The following C7orf33 variants were observed in gnomAD, a reference collection of about 807,000 sequenced individuals.
C7orf33 encodes uncharacterized protein C7orf33.
Under a neutral mutation model 13.4 loss-of-function variants are expected in C7orf33, and 15 were observed. The ratio of observed to expected loss-of-function variants is 1.12; its 90% confidence interval spans 0.75 to 1.72. The LOEUF (loss-of-function observed/expected upper bound fraction) is 1.72, where lower values mean the gene tolerates loss of function less well. C7orf33 is among the 40% of genes most tolerant of loss of function. C7orf33 has a pLI of 0.00. For missense variants in C7orf33, 187 were observed against 220.3 expected (o/e 0.85, Z 0.96); for synonymous variants, 73 against 83.2 (o/e 0.88, Z 0.67).
chr7:148,601,023 C>T (rs1354646988), intron 1 of C7orf33, among the ~76,000 whole-genome samples: 6 of 151,970 alleles, frequency 3.9e-5, no homozygotes, highest in Non-Finnish European at 5.9e-5. Context: ...AGGATGGTCT[C>T]GATCTCCTGA....
intron 1 of C7orf33, among the ~76,000 whole-genome samples, chr7:148,606,798 G>T (rs2116898948): frequency 6.6e-6 from 1 of 152,222 alleles, no homozygotes; most frequent in South Asian, 2.1e-4. Context: ...CGTTGGCCAG[G>T]CTGGTCTCGA....
intron 1 of C7orf33, among the ~76,000 whole-genome samples, chr7:148,593,852 T>C (rs1796297565): frequency 6.6e-6 from 1 of 152,106 alleles, no homozygotes; most frequent in South Asian, 2.1e-4. Context: ...CTAAGTGTCA[T>C]GCTGGAATGT....
chr7:148,597,817 G>A (rs925276695), intron 1 of C7orf33, among the ~76,000 whole-genome samples: 3 of 152,018 alleles, frequency 2.0e-5, no homozygotes, highest in Non-Finnish European at 2.9e-5. Context: ...GTGCAGTGGC[G>A]TGATCTCAGC....
chr7:148,597,778 C>T (rs997513284), intron 1 of C7orf33, among the ~76,000 whole-genome samples: 9 of 122,346 alleles, frequency 7.4e-5, no homozygotes, highest in African/African-American at 2.3e-4. Context: ...TGTTTTGAGA[C>T]GGAATCTCGC....
Position 148,615,710 on chromosome 7 carries a change from G to A in C7orf33, c.*309G>A, listed in dbSNP as rs1796595246. 7.1e-6 allele frequency: 2 copies of A among 283,586 alleles called. No individual in the cohort carries two copies. Among genetic ancestry groups the A allele is most frequent in the Non-Finnish European group, 1.4e-5 (2 of 145,026 alleles). 17.6% of individuals were successfully genotyped at this position (283,586 alleles called of 1,614,324 possible). On this transcript the variant is annotated 3_prime_UTR_variant, in exon 3 of 3. Coordinates refer to ENST00000307003, the MANE Select transcript of C7orf33 (RefSeq NM_145304.4). The stretch of plus-strand genomic sequence containing the variant: ...CGAAGATCCCCAGAGGACCTGGATA[G>A]AGATGTTTCCCTGACCATTGTCTGC...
Position 148,590,845 on chromosome 7 carries a change from C to T in C7orf33, c.-81C>T, listed in dbSNP as rs929439650. The T allele has an allele frequency of 1.0e-5, 13 of 1,297,392 alleles. No homozygotes were observed. Among genetic ancestry groups the T allele is most frequent in the African/African-American group, 1.5e-5 (1 of 68,688 alleles). The allele number at this position is 1,297,392 out of a possible 1,614,324, so 80.4% of individuals were successfully genotyped here. A position where few individuals can be genotyped will look rare whatever the true frequency, so the allele number is the denominator to read the frequency against. ...AATCCTCCTACTGACCCTGGGGATC[C>T]GTGCGACTTGATCTTAGATATTGGT... On this transcript the variant is annotated 5_prime_UTR_variant, in exon 1 of 3. Coordinates refer to ENST00000307003, the MANE Select transcript of C7orf33 (RefSeq NM_145304.4).
At chr7:148,597,720 C>G (rs1796356205) in intron 1 of C7orf33, among the ~76,000 whole-genome samples, 1 of 146,960 alleles carries the variant, frequency 6.8e-6, no homozygotes, top group South Asian at 2.1e-4. Flanking sequence ...GGATCATTCC[C>G]TTCCTCTGCA....
intron 1 of C7orf33, among the ~76,000 whole-genome samples, chr7:148,608,812 G>C (rs1276696782): frequency 6.6e-6 from 1 of 152,164 alleles, no homozygotes; most frequent in East Asian, 1.9e-4. Flanking sequence ...GCAAGACTCT[G>C]TCTCAGGAAA....
At chr7:148,592,447 T>G (rs1796281101) in intron 1 of C7orf33, among the ~76,000 whole-genome samples, 1 of 152,170 alleles carries the variant, frequency 6.6e-6, no homozygotes, top group Non-Finnish European at 1.5e-5. Flanking sequence ...GAGAAAAGAT[T>G]ATCACTGCCT....
intron 1 of C7orf33, among the ~76,000 whole-genome samples, chr7:148,601,444 C>A (rs1796413290): frequency 6.6e-6 from 1 of 151,720 alleles, no homozygotes; most frequent in South Asian, 2.1e-4. Flanking sequence ...CTCCTGGGCT[C>A]AAGCCATCCT....
chr7:148,604,904 A>G (rs907854378), intron 1 of C7orf33, among the ~76,000 whole-genome samples: 2 of 152,224 alleles, frequency 1.3e-5, no homozygotes, highest in African/African-American at 4.8e-5. Flanking sequence ...GCAGCAATGT[A>G]TATACACACA....
rs1359847815 is a variant in C7orf33, at chr7:148,615,236, G to A, written c.460-91G>A. The A allele has an allele frequency of 5.7e-6, 5 of 875,786 alleles. No homozygotes were observed. In the East Asian group the frequency reaches 1.3e-4, roughly 23 times the overall value. The allele number at this position is 875,786 out of a possible 1,614,324, so 54.3% of individuals were successfully genotyped here. A position where few individuals can be genotyped will look rare whatever the true frequency, so the allele number is the denominator to read the frequency against. ...TTACAGGCATGAGCCACCATGCCAG[G>A]CTGAGACAGTGTTTTAAACTGTGCT... is the stretch of plus-strand genomic sequence containing the variant. On this transcript the variant is annotated intron_variant, in intron 2 of 2. Coordinates refer to ENST00000307003, the MANE Select transcript of C7orf33 (RefSeq NM_145304.4).
chr7:148,602,941 T>C (rs991652349), intron 1 of C7orf33, among the ~76,000 whole-genome samples: 5 of 152,202 alleles, frequency 3.3e-5, no homozygotes, highest in African/African-American at 1.2e-4. Context: ...GGATAATGGC[T>C]ACTTCTTAAG....
At chr7:148,595,543 A>T (rs1796324202) in intron 1 of C7orf33, among the ~76,000 whole-genome samples, 2 of 133,004 alleles carry the variant, frequency 1.5e-5, no homozygotes, top group African/African-American at 2.9e-5. Flanking sequence ...ATAGATCTGT[A>T]TTATATATAA....
chr7:148,592,511 A>G (rs1167865368), intron 1 of C7orf33, among the ~76,000 whole-genome samples: 1 of 147,288 alleles, frequency 6.8e-6, no homozygotes, highest in Non-Finnish European at 1.5e-5. Context: ...TATAGGGTAG[A>G]TAGGATTTTT....
intron 1 of C7orf33, among the ~76,000 whole-genome samples, chr7:148,597,734 GTT>G (rs750943601): frequency 1.8e-5 from 2 of 113,574 alleles, no homozygotes; most frequent in South Asian, 5.4e-4. Context: ...CTCTGCATTT[GTT>G]TTGTTTTGTT....
At chr7:148,605,664 G>A (rs1398422443) in intron 1 of C7orf33, among the ~76,000 whole-genome samples, 1 of 152,278 alleles carries the variant, frequency 6.6e-6, no homozygotes, top group Non-Finnish European at 1.5e-5. Flanking sequence ...CCAGTGCAGA[G>A]CCCCCACCTT....
chr7:148,596,361 A>G (rs1796338664), intron 1 of C7orf33, among the ~76,000 whole-genome samples: 1 of 152,222 alleles, frequency 6.6e-6, no homozygotes, highest in Non-Finnish European at 1.5e-5. Flanking sequence ...ACATAAGGTC[A>G]TGCATCTTCT....
At chr7:148,612,366 G>GATTCTTTCAAAATGTTA (rs1796553985) in intron 1 of C7orf33, among the ~76,000 whole-genome samples, 1 of 151,926 alleles carries the variant, frequency 6.6e-6, no homozygotes, top group East Asian at 1.9e-4. Context: ...TCAAAATGTT[G>GATTCTTTCAAAATGTTA]GAACTATACA....
Sources: allele counts gnomAD v4.1 joint callset (sites outside exome capture counted in the v4.1 genomes callset), GRCh38; gene constraint gnomAD v4.1.1; transcripts MANE v1.5; gene names NCBI Gene and HGNC (gene_info 2026-07-23, HGNC 2026-07-21).